Variants in ANKRD44 observed in about 807,000 individuals in gnomAD.
ANKRD44 encodes the protein ankyrin repeat domain 44.
A neutral mutation model predicts 116.0 loss-of-function variants in ANKRD44; 35 were observed. The ratio of observed to expected loss-of-function variants is 0.30; its 90% confidence interval spans 0.23 to 0.40. ANKRD44 has a LOEUF of 0.40. Among genes scored for constraint, ANKRD44 ranks in the 10% least tolerant of loss-of-function variants. ANKRD44 has a pLI of 1.00. For missense variants in ANKRD44, 1,014 were observed against 1,242.6 expected (o/e 0.82, Z 2.77); for synonymous variants, 435 against 461.8 (o/e 0.94, Z 0.74).
At chr2:197,036,445 G>T (rs142135349) in intron 16 of ANKRD44, among the ~76,000 whole-genome samples, 119 of 152,242 alleles carry the variant, frequency 7.8e-4, no homozygotes, top group African/African-American at 2.5e-3. Flanking sequence ...TTTTAGTAGA[G>T]ATGGGATTTT....
At chr2:197,269,528 C>T (rs1225282522) in intron 1 of ANKRD44, among the ~76,000 whole-genome samples, 1 of 152,002 alleles carries the variant, frequency 6.6e-6, no homozygotes, top group Non-Finnish European at 1.5e-5. Flanking sequence ...GTTAGAAAGG[C>T]TGCAATTGAG....
chr2:197,278,408 G>A (rs956929564), intron 1 of ANKRD44, among the ~76,000 whole-genome samples: 1 of 152,048 alleles, frequency 6.6e-6, no homozygotes, highest in African/African-American at 2.4e-5. Flanking sequence ...CCAGGCTGGA[G>A]TGCAGTGGTG....
chr2:197,150,089 T>C (rs2079603570), intron 2 of ANKRD44, among the ~76,000 whole-genome samples: 1 of 152,156 alleles, frequency 6.6e-6, no homozygotes, highest in South Asian at 2.1e-4. Flanking sequence ...AACATTCCTA[T>C]CAGAGGAGTC....
At chr2:197,304,411 A>G (rs1208715711) in intron 1 of ANKRD44, among the ~76,000 whole-genome samples, 2 of 152,258 alleles carry the variant, frequency 1.3e-5, no homozygotes, top group Non-Finnish European at 2.9e-5. Context: ...AGTCATTGAC[A>G]TGGGTTAAAA....
intron 1 of ANKRD44, among the ~76,000 whole-genome samples, chr2:197,208,582 C>T (rs1016002256): frequency 6.6e-6 from 1 of 151,992 alleles, no homozygotes. Context: ...GGGCAGATCA[C>T]GAGGTCAGGA....
chr2:196,988,860 C>G lies in ANKRD44; in HGVS notation c.*731G>C, dbSNP rs1316013801. 3.0e-6 allele frequency: 3 copies of G among 985,290 alleles called. No homozygotes were observed. The East Asian group carries it at 3.4e-4, about 112-fold the overall frequency. 61.0% of individuals were successfully genotyped at this position (985,290 alleles called of 1,614,324 possible). ...GGTTACTGAGACTATGTGAGCTTTT[C>G]AGTGTACTTAGGGTAATTTCTAGAT... On this transcript the variant is annotated 3_prime_UTR_variant, in exon 28 of 28. Transcript: ENST00000282272.
Position 197,310,745 on chromosome 2 carries a change from T to G in ANKRD44, c.-141A>C, listed in dbSNP as rs1056681849. 1.6e-5 allele frequency: 13 copies of G among 816,036 alleles called. No homozygotes were observed. In the African/African-American group the frequency reaches 1.7e-4, roughly 11 times the overall value. 50.5% of individuals were successfully genotyped at this position (816,036 alleles called of 1,614,324 possible). A position where few individuals can be genotyped will look rare whatever the true frequency, so the allele number is the denominator to read the frequency against. ...TTGACAGCCCTCCCCCTGCTCCTCC[T>G]CCGCCGCCGCCTCCTCCCGCCGAGA... On this transcript the variant is annotated 5_prime_UTR_variant, in exon 1 of 28. Transcript: ENST00000282272.
chr2:196,986,922 C>A lies in ANKRD44; in HGVS notation c.*2669G>T, dbSNP rs1193381345. 1.0e-6 allele frequency: 1 copy of A among 985,246 alleles called. No individual in the cohort carries two copies. Among genetic ancestry groups the A allele is most frequent in the Admixed American group, 6.2e-5 (1 of 16,256 alleles). The allele number at this position is 985,246 out of a possible 1,614,324, so 61.0% of individuals were successfully genotyped here. The stretch of plus-strand genomic sequence containing the variant: ...AGAAAACATTATAGACAAAATCCCA[C>A]TGAAATCATCAAACAATATTTTATG... On this transcript the variant is annotated 3_prime_UTR_variant, in exon 28 of 28. Transcript: ENST00000282272.
chr2:197,013,621 T>A lies in ANKRD44; in HGVS notation c.1814A>T (p.Asp605Val). The A allele has an allele frequency of 6.2e-7, 1 of 1,614,118 alleles. No individual in the cohort carries two copies. Among genetic ancestry groups the A allele is most frequent in the Non-Finnish European group, 8.5e-7 (1 of 1,180,032 alleles). ...TGTGTGTCCTTTAAAGGCAGCCAGA[T>A]CCAGAGCAGTGCGGCCTTTCTCATC... ...IRDEKGRTAL[D>V]LAAFKGHTEC... Residue 605 changes from aspartate to valine, a missense_variant, in exon 18 of 28, where the codon GAT (aspartate) becomes GTT (valine). Asp to Val is a radical substitution (Grantham distance 152, BLOSUM62 -3). Transcript: ENST00000282272.
At chr2:197,056,627 A>C (rs1491002931) in intron 16 of ANKRD44, among the ~76,000 whole-genome samples, 1 of 152,188 alleles carries the variant, frequency 6.6e-6, no homozygotes, top group Non-Finnish European at 1.5e-5. Flanking sequence ...AATGTTTTAT[A>C]GTTTTAATGG....
rs1347805731 is a variant in ANKRD44 at position 197,203,737 on chromosome 2, G to C, written c.28-16631C>G. ...ACCAACCGGCATCAACTGATGAATG[G>C]ATAAACCAAATGTGGTACAGCCGTA... On this transcript the variant is annotated intron_variant, in intron 1 of 27. Coordinates refer to ENST00000282272, the MANE Select transcript of ANKRD44 (RefSeq NM_001195144.2). This position sits in a 1 kb window ranked among gnomAD's most constrained non-coding sequence, Gnocchi z 4.1. Among the ~76,000 whole-genome samples, 1 of 152,126 alleles carries C rather than the reference G, an allele frequency of 6.6e-6. No individual in the cohort carries two copies. Among genetic ancestry groups the C allele is most frequent in the Non-Finnish European group, 1.5e-5 (1 of 68,044 alleles).
chr2:197,006,027 G>T, intron 20 of ANKRD44, 117 bp from the exon 21 acceptor site: 2 of 889,296 alleles, frequency 2.2e-6, no homozygotes, highest in East Asian at 2.5e-5. Context: ...CTTTAAGGAA[G>T]GCAGACTCTG....
At chr2:197,115,870 T>C (rs2078695706) in intron 8 of ANKRD44, among the ~76,000 whole-genome samples, 1 of 151,990 alleles carries the variant, frequency 6.6e-6, no homozygotes. Context: ...TTCAAAGAGA[T>C]TTAGGAAATC....
At chr2:197,267,874 G>A (rs2082783163) in intron 1 of ANKRD44, among the ~76,000 whole-genome samples, 1 of 152,186 alleles carries the variant, frequency 6.6e-6, no homozygotes, top group African/African-American at 2.4e-5. Context: ...ACCAGAATCA[G>A]GGTCAAGGTA....
intron 16 of ANKRD44, among the ~76,000 whole-genome samples, chr2:197,037,142 G>T (rs192161303): frequency 6.6e-6 from 1 of 152,338 alleles, no homozygotes; most frequent in East Asian, 1.9e-4. Flanking sequence ...ACGTTCATAT[G>T]AGCGGAGGTA....
intron 4 of ANKRD44, among the ~76,000 whole-genome samples, chr2:197,127,673 A>T (rs2079007110): frequency 6.6e-6 from 1 of 152,188 alleles, no homozygotes; most frequent in African/African-American, 2.4e-5. Context: ...TTTTTTAATC[A>T]ACTTTTATTT....
At chr2:197,131,973 A>G (rs2079107956) in intron 4 of ANKRD44, among the ~76,000 whole-genome samples, 1 of 152,254 alleles carries the variant, frequency 6.6e-6, no homozygotes, top group Non-Finnish European at 1.5e-5. Flanking sequence ...TAGGCTTCAC[A>G]TGAACACTTC....
chr2:196,976,947 A>G (rs767296339), intron 21 of ANKRD44, among the ~76,000 whole-genome samples: 3 of 152,144 alleles, frequency 2.0e-5, no homozygotes, highest in Non-Finnish European at 4.4e-5. Context: ...TTTCCACTGA[A>G]AAACTATTAG....
At chr2:197,257,191 T>G (rs1254669852) in intron 1 of ANKRD44, among the ~76,000 whole-genome samples, 1 of 152,204 alleles carries the variant, frequency 6.6e-6, no homozygotes, top group Admixed American at 6.5e-5. Context: ...TAGGATTTCT[T>G]TATAGTAAAG....
Sources: allele counts gnomAD v4.1 joint callset (sites outside exome capture counted in the v4.1 genomes callset), GRCh38; gene constraint gnomAD v4.1.1; non-coding constraint Gnocchi (gnomAD v3.1); transcripts MANE v1.5; gene names NCBI Gene and HGNC (gene_info 2026-07-23, HGNC 2026-07-21).